NCAPD2: variants seen among roughly 807,000 people sequenced by gnomAD.
NCAPD2 encodes condensin complex subunit 1.
Under a neutral mutation model 164.5 loss-of-function variants are expected in NCAPD2, and 100 were observed. That is an observed-to-expected ratio of 0.61 (90% confidence interval 0.52 to 0.72). The LOEUF is 0.72. Ranked by LOEUF, NCAPD2 falls within the 30% of genes least tolerant of loss-of-function variation. The pLI is 0.00. For synonymous variants in NCAPD2, 585 were observed against 642.6 expected (o/e 0.91, Z 1.36); for missense variants, 1,560 against 1,749.2 (o/e 0.89, Z 1.93).
chr12:6,515,584 A>G (rs1354728180), intron 9 of NCAPD2, among the ~76,000 whole-genome samples: 1 of 152,060 alleles, frequency 6.6e-6, no homozygotes, highest in Non-Finnish European at 1.5e-5. Context: ...AAATCAACCC[A>G]TGTCATCTCT....
chr12:6,512,386 A>G (rs1296555077), intron 6 of NCAPD2, among the ~76,000 whole-genome samples: 1 of 152,130 alleles, frequency 6.6e-6, no homozygotes, highest in Non-Finnish European at 1.5e-5. Flanking sequence ...AAAGACCCAG[A>G]GGAGGTGACT....
Position 6,510,108 on chromosome 12 carries a change from A to G in NCAPD2, c.237A>G (p.Glu79=), listed in dbSNP as rs1262153903. 1 of 1,612,778 alleles carries G rather than the reference A, an allele frequency of 6.2e-7. No homozygotes were observed. The highest frequency in any genetic ancestry group is 8.5e-7 in the Non-Finnish European group (1 of 1,178,716). ...HFRSIDPGLK[E]DTLQFLIKVV... is the part of the protein sequence containing the mutation. The stretch of plus-strand genomic sequence containing the variant: ...GAAGTATAGATCCTGGCCTCAAAGA[A>G]GATACTCTGCAATTCCTGATAAAAG... Residue 79 remains glutamate (E), a synonymous_variant, in exon 4 of 32, where the codon GAA becomes GAG. Coordinates refer to ENST00000315579, the MANE Select transcript of NCAPD2 (RefSeq NM_014865.4).
intron 4 of NCAPD2, 49 bp downstream of exon 4, chr12:6,510,182 G>C: frequency 6.5e-7 from 1 of 1,527,548 alleles, no homozygotes; most frequent in Non-Finnish European, 9.1e-7. Context: ...GTTATCGTTT[G>C]TTTGTTTGTC....
Position 6,531,661 on chromosome 12 carries a change from C to T in NCAPD2, c.*249C>T, listed in dbSNP as rs1005554717. The T allele has an allele frequency of 7.2e-5, 42 of 582,248 alleles. No individual in the cohort carries two copies. Among genetic ancestry groups the T allele is most frequent in the South Asian group, 9.4e-5 (5 of 53,360 alleles). 36.1% of individuals were successfully genotyped at this position (582,248 alleles called of 1,614,324 possible). A position where few individuals can be genotyped will look rare whatever the true frequency, so the allele number is the denominator to read the frequency against. ...TCTCTACTAAAAATAAAAAATTAGC[C>T]GGGCGTATTGGCGTGCGCCTGTAAT... On this transcript the variant is annotated 3_prime_UTR_variant, in exon 32 of 32. Coordinates refer to ENST00000315579, the MANE Select transcript of NCAPD2 (RefSeq NM_014865.4). This position sits in a 1 kb window ranked among gnomAD's most constrained non-coding sequence, Gnocchi z 4.1.
chr12:6,511,023 A>C (rs1946141595), intron 5 of NCAPD2, 87 bp from the exon 6 acceptor site: 2 of 1,436,462 alleles, frequency 1.4e-6, no homozygotes, highest in African/African-American at 1.4e-5. Context: ...TTGTCTTGGT[A>C]CTAGATTGTT....
chr12:6,531,513 A>C lies in NCAPD2; in HGVS notation c.*101A>C. Reference sequence around the variant, plus strand: ...AATATTTGTCTGTCTCTTTTTTTTAAAAAAAAAAAAGGCCGGGCACTGTGG... The same window carrying C: ...AATATTTGTCTGTCTCTTTTTTTTACAAAAAAAAAAGGCCGGGCACTGTGG... On this transcript the variant is annotated 3_prime_UTR_variant, in exon 32 of 32. Coordinates refer to ENST00000315579, the MANE Select transcript of NCAPD2 (RefSeq NM_014865.4). This position sits in a 1 kb window ranked among gnomAD's most constrained non-coding sequence, Gnocchi z 4.1. The C allele has an allele frequency of 6.8e-7, 1 of 1,475,350 alleles. No homozygotes were observed. Among genetic ancestry groups the C allele is most frequent in the Non-Finnish European group, 9.1e-7 (1 of 1,098,794 alleles). 91.4% of individuals were successfully genotyped at this position (1,475,350 alleles called of 1,614,324 possible). A position where few individuals can be genotyped will look rare whatever the true frequency, so the allele number is the denominator to read the frequency against.
At chr12:6,523,398 G>GCTTTT in intron 17 of NCAPD2, 52 bp downstream of exon 17, 1 of 871,554 alleles carries the variant, frequency 1.1e-6, no homozygotes, top group Non-Finnish European at 1.7e-6. Context: ...TATTTTGGTT[G>GCTTTT]TTTTTTTTTT....
At chr12:6,506,556 C>CTCCA (rs554393735) in intron 2 of NCAPD2, among the ~76,000 whole-genome samples, 1 of 151,296 alleles carries the variant, frequency 6.6e-6, no homozygotes, top group Non-Finnish European at 1.5e-5. Flanking sequence ...CACCACTGCA[C>CTCCA]TCCAGCCTGG....
rs557749054 is a variant in NCAPD2 at position 6,501,901 on chromosome 12, A to G, written c.127+6676A>G. On this transcript the variant is annotated intron_variant, in intron 2 of 31. Transcript: ENST00000315579. Reference sequence around the variant, plus strand: ...ATTAACTACTGGATTTATTGATGTCATAGTCACTGGTAACCTTGACAAAGC... The same window carrying G: ...ATTAACTACTGGATTTATTGATGTCGTAGTCACTGGTAACCTTGACAAAGC... Among the ~76,000 whole-genome samples, 11 of 152,394 alleles carry G rather than the reference A, an allele frequency of 7.2e-5. No individual in the cohort carries two copies. In the East Asian group the frequency reaches 2.1e-3, roughly 29 times the overall value.
chr12:6,530,877 T>A, intron 30 of NCAPD2, 44 bp from the exon 31 acceptor site: 1 of 1,613,152 alleles, frequency 6.2e-7, no homozygotes, highest in Non-Finnish European at 8.5e-7. Flanking sequence ...TGCAGTGATT[T>A]GTTTCTTCTT....
chr12:6,531,540 T>C lies in NCAPD2; in HGVS notation c.*128T>C. ...AAAAAAAAAGGCCGGGCACTGTGGC[T>C]CACGCCTGTAATCCCAGCACTTTGC... On this transcript the variant is annotated 3_prime_UTR_variant, in exon 32 of 32. Coordinates refer to ENST00000315579, the MANE Select transcript of NCAPD2 (RefSeq NM_014865.4). The surrounding 1 kb of genome is among the most constrained non-coding windows in gnomAD (Gnocchi z 4.1). 1.3e-6 allele frequency: 2 copies of C among 1,514,682 alleles called. No individual in the cohort carries two copies. The highest frequency in any genetic ancestry group is 2.8e-5 in the African/African-American group (2 of 71,374). 93.8% of individuals were successfully genotyped at this position (1,514,682 alleles called of 1,614,324 possible). A position where few individuals can be genotyped will look rare whatever the true frequency, so the allele number is the denominator to read the frequency against.
At position 6,526,279 on chromosome 12, in the gene NCAPD2, C is replaced by T. The variant is rs757075823; in HGVS notation, c.2482-8C>T. Reference sequence around the variant, plus strand: ...GTACACACACCCACGTTGTCTTGCTCTCCACAGCCTTCTCTGGGCAAACGT... The same window carrying T: ...GTACACACACCCACGTTGTCTTGCTTTCCACAGCCTTCTCTGGGCAAACGT... On this transcript the variant is annotated splice_region_variant and splice_polypyrimidine_tract_variant and intron_variant, in intron 19 of 31. Coordinates refer to ENST00000315579, the MANE Select transcript of NCAPD2 (RefSeq NM_014865.4). 15 of 1,614,070 alleles carry T rather than the reference C, an allele frequency of 9.3e-6. No homozygotes were observed. The South Asian group carries it at 1.5e-4, about 17-fold the overall frequency.
intron 2 of NCAPD2, among the ~76,000 whole-genome samples, chr12:6,508,193 G>A (rs1044925912): frequency 4.6e-5 from 7 of 152,166 alleles, no homozygotes; most frequent in African/African-American, 1.7e-4. Flanking sequence ...GTTGTGGCAC[G>A]CACCTGTAGT....
At chr12:6,512,545 G>A (rs1045082214) in intron 6 of NCAPD2, among the ~76,000 whole-genome samples, 7 of 152,230 alleles carry the variant, frequency 4.6e-5, no homozygotes, top group Non-Finnish European at 8.8e-5. Context: ...CGAGGGTTAG[G>A]CCGTGAGGCC....
chr12:6,514,675 T>C lies in NCAPD2; in HGVS notation c.839+88T>C. The C allele has an allele frequency of 2.5e-6, 4 of 1,607,718 alleles. No homozygotes were observed. In the African/African-American group the frequency reaches 4.0e-5, roughly 16 times the overall value. ...TGGAAATACATTATCTGTGCAACAGTAGATTCCTTCAGATATTAGATACCT... is the reference window on the plus strand; with the variant it reads ...TGGAAATACATTATCTGTGCAACAGCAGATTCCTTCAGATATTAGATACCT... On this transcript the variant is annotated intron_variant, in intron 8 of 31. Transcript: ENST00000315579.
chr12:6,496,387 A>G (rs950097542), intron 2 of NCAPD2, among the ~76,000 whole-genome samples: 5 of 152,048 alleles, frequency 3.3e-5, no homozygotes, highest in Non-Finnish European at 5.9e-5. Context: ...TCTAATGTCC[A>G]GAAGTGGAAA....
At chr12:6,519,867 CAAA>C (rs113336454) in intron 13 of NCAPD2, among the ~76,000 whole-genome samples, 1 of 132,660 alleles carries the variant, frequency 7.5e-6, no homozygotes, top group African/African-American at 2.8e-5. Flanking sequence ...GAGTCCATCT[CAAA>C]AAAAAAAAAA....
chr12:6,519,345 A>G (rs1946243175), intron 13 of NCAPD2, among the ~76,000 whole-genome samples: 1 of 152,088 alleles, frequency 6.6e-6, no homozygotes, highest in African/African-American at 2.4e-5. Context: ...TCTCCTGTCA[A>G]TTAGAAAAGG....
In NCAPD2 at chr12:6,517,419, G is replaced by C. The variant is rs759967466; in HGVS notation, c.1240G>C (p.Ala414Pro). ...GGTGGCTTTAGCTGTGGGACGTCTG[G>C]CAGACAAGTCAGTGCTAGTATGTAA... ...AVVALAVGRL[A>P]DKSVLVCKNA... is the part of the protein sequence containing the mutation. The change falls in exon 11 of 32, where the codon GCA (alanine) becomes CCA (proline). Residue 414 changes from alanine (A) to proline (P), a missense_variant. Coordinates refer to ENST00000315579, the MANE Select transcript of NCAPD2 (RefSeq NM_014865.4). 12 of 1,614,224 alleles carry C rather than the reference G, an allele frequency of 7.4e-6. No homozygotes were observed. The South Asian group carries it at 1.3e-4, about 18-fold the overall frequency.
Sources: allele counts gnomAD v4.1 joint callset (sites outside exome capture counted in the v4.1 genomes callset), GRCh38; gene constraint gnomAD v4.1.1; non-coding constraint Gnocchi (gnomAD v3.1); transcripts MANE v1.5; gene names NCBI Gene and HGNC (gene_info 2026-07-23, HGNC 2026-07-21).